The following CA10 variants were observed in gnomAD, a reference collection of about 807,000 sequenced individuals.
The protein encoded by CA10 is carbonic anhydrase 10 (inactive), also known as carbonic anhydrase-related protein 10.
CA10 carries 14 observed loss-of-function variants against 44.2 expected under a neutral mutation model. That is an observed-to-expected ratio of 0.32 (90% CI 0.21 to 0.50). CA10 has a LOEUF of 0.50. Ranked by LOEUF, CA10 falls within the 20% of genes least tolerant of loss-of-function variation. The pLI, the probability that CA10 is intolerant of heterozygous loss-of-function variation, is 0.99. For synonymous variants in CA10, 159 were observed against 141.6 expected, an observed-to-expected ratio of 1.12 and a Z score of -0.87; for missense variants, 350 against 409.7, an observed-to-expected ratio of 0.85 and a Z score of 1.26.
intron 2 of CA10, among the ~76,000 whole-genome samples, chr17:51,999,248 G>A (rs1406769934): frequency 6.6e-6 from 1 of 152,044 alleles, no homozygotes; most frequent in Non-Finnish European, 1.5e-5. Flanking sequence ...AGGAAGTTCA[G>A]AGCAGCAGAG....
At chr17:51,856,103 T>C (rs7209446) in intron 3 of CA10, among the ~76,000 whole-genome samples, 30,137 of 152,146 alleles carry the variant, frequency 0.2, 5,322 homozygotes, top group African/African-American at 0.48. Context: ...AACTTTCTAA[T>C]GTTTCTAGCA....
intron 3 of CA10, among the ~76,000 whole-genome samples, chr17:51,823,880 T>C (rs763812224): frequency 7.9e-5 from 12 of 152,228 alleles, no homozygotes; most frequent in Non-Finnish European, 2.9e-5. Context: ...TAGACATAAC[T>C]GTCTCACTTA....
chr17:52,045,814 A>G (rs975344720), intron 2 of CA10, among the ~76,000 whole-genome samples: 3 of 152,030 alleles, frequency 2.0e-5, no homozygotes, highest in Admixed American at 6.5e-5. Context: ...ATTCATTTCA[A>G]GTGCACGTGG....
chr17:51,847,889 A>T (rs748336112), intron 3 of CA10, among the ~76,000 whole-genome samples: 1 of 152,198 alleles, frequency 6.6e-6, no homozygotes, highest in Non-Finnish European at 1.5e-5. Context: ...CCTATCTGTG[A>T]AACAGAGATC....
At chr17:51,775,833 A>G (rs554763743) in intron 3 of CA10, among the ~76,000 whole-genome samples, 2 of 152,304 alleles carry the variant, frequency 1.3e-5, no homozygotes, top group East Asian at 3.9e-4. Flanking sequence ...TATGTGGGGA[A>G]GAATGAGGGA....
rs1363991102 is a variant in CA10 at position 51,631,180 on chromosome 17, C to CTGAAAAGTCTCAT, written c.*391_*403dup. 2 of 190,586 alleles carry CTGAAAAGTCTCAT rather than the reference C, an allele frequency of 1.0e-5. No homozygotes were observed. The highest frequency in any genetic ancestry group is 2.2e-5 in the Non-Finnish European group (2 of 91,852). The allele number at this position is 190,586 out of a possible 1,614,324, so 11.8% of individuals were successfully genotyped here. On this transcript the variant is annotated 3_prime_UTR_variant, in exon 9 of 9. Transcript: ENST00000451037. ...TGGAAGAATTTTGTATGTACAAAGG[C>CTGAAAAGTCTCAT]TGAAAAGTCTCATTGGGTAGATTTA...
chr17:52,116,331 T>A (rs1988895641), intron 1 of CA10, among the ~76,000 whole-genome samples: 1 of 152,122 alleles, frequency 6.6e-6, no homozygotes, highest in African/African-American at 2.4e-5. Context: ...GGAACTTGGT[T>A]CCACAGCTTT....
intron 3 of CA10, among the ~76,000 whole-genome samples, chr17:51,771,391 A>G (rs746675390): frequency 1.3e-5 from 2 of 152,306 alleles, no homozygotes; most frequent in Non-Finnish European, 2.9e-5. Flanking sequence ...AAAATCACAG[A>G]GCAAGATGGT....
At chr17:52,077,640 CA>C (rs112746158) in intron 1 of CA10, among the ~76,000 whole-genome samples, 13,583 of 84,790 alleles carry the variant, frequency 0.16, 715 homozygotes, top group African/African-American at 0.26. Flanking sequence ...AGCTACTTTA[CA>C]AAAAAAAAAA....
chr17:51,680,999 T>C lies in CA10; in HGVS notation c.466-27263A>G, dbSNP rs113387699. ...TCTATATTGTAGGGAATATTTATGG[T>C]GCCTATGAAAGATAAGATTTGCATG... On this transcript the variant is annotated intron_variant, in intron 4 of 8. Coordinates refer to ENST00000451037, the MANE Select transcript of CA10 (RefSeq NM_020178.5). Among the ~76,000 whole-genome samples the C allele has an allele frequency of 9.5e-3, 1,445 of 152,188 alleles. 22 individuals are homozygous for C. Among genetic ancestry groups the C allele is most frequent in the African/African-American group, 0.034 (1,397 of 41,518 alleles).
Position 51,782,041 on chromosome 17 carries a change from C to A in CA10, c.280-34223G>T, listed in dbSNP as rs576905768. 2.0e-5 allele frequency among the ~76,000 whole-genome samples: 3 copies of A among 152,316 alleles called. No individual in the cohort carries two copies. In the East Asian group the frequency reaches 5.8e-4, roughly 29 times the overall value. On this transcript the variant is annotated intron_variant, in intron 3 of 8. Transcript: ENST00000451037. ...TGCACTGTCTTCCGATGTTCTAATT[C>A]ATTCCATGTACATTAGTCTCTTTCC...
intron 4 of CA10, among the ~76,000 whole-genome samples, chr17:51,732,227 G>A (rs1385353023): frequency 2.0e-5 from 3 of 152,214 alleles, no homozygotes; most frequent in African/African-American, 7.2e-5. Flanking sequence ...TTAGCAGCCA[G>A]GAAGATGAGT....
rs146780453 is a variant in CA10 at position 51,697,175 on chromosome 17, C to T, written c.466-43439G>A. On this transcript the variant is annotated intron_variant, in intron 4 of 8. Coordinates refer to ENST00000451037, the MANE Select transcript of CA10 (RefSeq NM_020178.5). ...CATGTGGGCAAATTACTTAAACTCT[C>T]TGTACCTTTGCCTTCCTATCAGTAA... 9.2e-5 allele frequency among the ~76,000 whole-genome samples: 14 copies of T among 151,958 alleles called. No homozygotes were observed. In the East Asian group the frequency reaches 2.5e-3, roughly 27 times the overall value.
rs117274734 is a variant in CA10 at position 51,985,952 on chromosome 17, A to G, written c.137-54820T>C. ...AAAAGCAATCCACAAATTCAATGCA[A>G]TTACCATCAAAGTACCACCATCATT... On this transcript the variant is annotated intron_variant, in intron 2 of 8. Coordinates refer to ENST00000451037, the MANE Select transcript of CA10 (RefSeq NM_020178.5). Among the ~76,000 whole-genome samples the G allele has an allele frequency of 6.0e-3, 911 of 152,176 alleles. 7 individuals carry two copies. The highest frequency in any genetic ancestry group is 0.01 in the Middle Eastern group (3 of 294).
chr17:51,892,644 C>T (rs1192322590), intron 3 of CA10, among the ~76,000 whole-genome samples: 2 of 152,200 alleles, frequency 1.3e-5, no homozygotes, highest in Non-Finnish European at 2.9e-5. Flanking sequence ...CAAATTTATT[C>T]TCCCTAGCCA....
At chr17:52,073,567 A>T (rs1987741404) in intron 1 of CA10, among the ~76,000 whole-genome samples, 1 of 152,200 alleles carries the variant, frequency 6.6e-6, no homozygotes, top group African/African-American at 2.4e-5. Flanking sequence ...TTTAAAAACA[A>T]ATAAAAGAGA....
chr17:51,978,736 G>A (rs1317679780), intron 2 of CA10, among the ~76,000 whole-genome samples: 1 of 151,970 alleles, frequency 6.6e-6, no homozygotes, highest in Non-Finnish European at 1.5e-5. Flanking sequence ...CCTTTGCAAT[G>A]TAAAGCTATT....
chr17:52,044,787 A>T (rs1986865608), intron 2 of CA10, among the ~76,000 whole-genome samples: 1 of 152,152 alleles, frequency 6.6e-6, no homozygotes, highest in African/African-American at 2.4e-5. Context: ...GTGCAAAGAG[A>T]AATAAAGAAG....
intron 3 of CA10, among the ~76,000 whole-genome samples, chr17:51,883,464 G>A (rs1369305207): frequency 6.6e-6 from 1 of 152,066 alleles, no homozygotes; most frequent in Non-Finnish European, 1.5e-5. Flanking sequence ...ATGAATATAT[G>A]CTAATGATCC....
Sources: allele counts gnomAD v4.1 joint callset (sites outside exome capture counted in the v4.1 genomes callset), GRCh38; gene constraint gnomAD v4.1.1; transcripts MANE v1.5; gene names NCBI Gene and HGNC (gene_info 2026-07-23, HGNC 2026-07-21).